The following NOX3 variants were observed in gnomAD, a reference collection of about 807,000 sequenced individuals.
NOX3 encodes the protein NADPH oxidase 3.
NOX3 carries 74 observed loss-of-function variants against 76.7 expected under a neutral mutation model. The observed-to-expected ratio is 0.96, with a 90% CI of 0.80 to 1.17. The LOEUF (loss-of-function observed/expected upper bound fraction) is 1.17. Ranked by LOEUF, NOX3 falls within the 50% of genes most tolerant of loss-of-function variation. NOX3 has a pLI of 0.00. For missense variants in NOX3, 695 were observed against 703.3 expected, an observed-to-expected ratio of 0.99 and a Z score of 0.13; for synonymous variants, 263 against 261.1, an observed-to-expected ratio of 1.01 and a Z score of -0.07.
chr6:155,445,171 C>T (rs1477319347), intron 4 of NOX3, among the ~76,000 whole-genome samples: 1 of 152,168 alleles, frequency 6.6e-6, no homozygotes, highest in Non-Finnish European at 1.5e-5. Context: ...CGCTGGGTGG[C>T]CAGTTGATAA....
chr6:155,420,216 G>C (rs1400042999), intron 10 of NOX3, among the ~76,000 whole-genome samples: 1 of 152,146 alleles, frequency 6.6e-6, no homozygotes, highest in Non-Finnish European at 1.5e-5. Context: ...ATGACAATGA[G>C]ACTTTGCATG....
At chr6:155,414,631 T>C (rs932055293) in intron 10 of NOX3, among the ~76,000 whole-genome samples, 7 of 140,640 alleles carry the variant, frequency 5.0e-5, no homozygotes, top group East Asian at 2.0e-4. Context: ...TTCTTTTTTT[T>C]TTTTTTTTTT....
At position 155,422,778 on chromosome 6, in the gene NOX3, C is replaced by A. The variant is rs749400027; in HGVS notation, c.1224G>T (p.Gly408=). The A allele has an allele frequency of 6.2e-6, 10 of 1,614,052 alleles. No homozygotes were observed. In the South Asian group the frequency reaches 9.9e-5, roughly 16 times the overall value. Residue 408 remains glycine, a synonymous_variant, in exon 10 of 14, where the codon GGG becomes GGT. Transcript: ENST00000159060. ...GAGCAGCGAAGGGAGTGACTCCGAT[C>A]CCCGCGGCAACGCACACACACACTG... The part of the protein sequence containing the change: ...HYPVCVCVAA[G]IGVTPFAALL...
At chr6:155,406,270 C>G (rs1456339973) in intron 12 of NOX3, among the ~76,000 whole-genome samples, 1 of 152,190 alleles carries the variant, frequency 6.6e-6, no homozygotes, top group East Asian at 1.9e-4. Flanking sequence ...GTTATGAAAA[C>G]AACACTGTGA....
intron 9 of NOX3, among the ~76,000 whole-genome samples, chr6:155,427,028 T>TGTGTGTGC (rs796489805): frequency 2.5e-5 from 3 of 121,792 alleles, no homozygotes; most frequent in African/African-American, 9.9e-5. Flanking sequence ...TGTGTGTGTG[T>TGTGTGTGC]GCTGGGGGGG....
chr6:155,408,187 T>G (rs532963950), intron 11 of NOX3, among the ~76,000 whole-genome samples: 111 of 152,248 alleles, frequency 7.3e-4, no homozygotes, highest in African/African-American at 2.6e-3. Context: ...AGGGTTTCAC[T>G]GTGTTAGCCG....
At chr6:155,422,533 T>A (rs1482754617) in intron 10 of NOX3, among the ~76,000 whole-genome samples, 161 bp downstream of exon 10, 1 of 152,222 alleles carries the variant, frequency 6.6e-6, no homozygotes, top group Non-Finnish European at 1.5e-5. Context: ...CTCATAAATG[T>A]AATACTGAGT....
chr6:155,411,242 A>T lies in NOX3; in HGVS notation c.1427T>A (p.Ile476Lys), dbSNP rs1487384707. The change falls in exon 11 of 14, where the codon ATA becomes AAA. Residue 476 changes from isoleucine to lysine, a missense_variant. Transcript: ENST00000159060. ...QGKTHFLSYH[I>K]FLTGWDENQA... is the part of the protein sequence containing the mutation. ...ATTTTCATCCCAGCCGGTAAGAAAT[A>T]TATGATAACTCAGAAAGTGAGTTTT... 2.5e-6 allele frequency: 4 copies of T among 1,614,060 alleles called. No homozygotes were observed. The East Asian group carries it at 8.9e-5, about 36-fold the overall frequency.
At chr6:155,446,502 C>T (rs1279159207) in intron 4 of NOX3, among the ~76,000 whole-genome samples, 2 of 152,048 alleles carry the variant, frequency 1.3e-5, no homozygotes, top group Non-Finnish European at 2.9e-5. Context: ...TCTTCTCATT[C>T]GACAGACCAG....
chr6:155,454,761 T>C, intron 3 of NOX3, 50 bp downstream of exon 3: 3 of 1,079,710 alleles, frequency 2.8e-6, no homozygotes, highest in Non-Finnish European at 4.1e-6. Flanking sequence ...ATGGCACTTA[T>C]ATGAGGAAGT....
At chr6:155,452,662 T>C (rs972510682) in intron 4 of NOX3, among the ~76,000 whole-genome samples, 5 of 152,054 alleles carry the variant, frequency 3.3e-5, no homozygotes, top group East Asian at 1.9e-4. Context: ...CATGAGAGGA[T>C]AAAAACAAAT....
chr6:155,439,657 G>A (rs894715078), intron 6 of NOX3, among the ~76,000 whole-genome samples: 23 of 152,134 alleles, frequency 1.5e-4, no homozygotes, highest in African/African-American at 5.3e-4. Flanking sequence ...TGGCAGAACA[G>A]GTACTGAATG....
At chr6:155,411,575 G>A (rs138027452) in intron 10 of NOX3, among the ~76,000 whole-genome samples, 2 of 152,296 alleles carry the variant, frequency 1.3e-5, no homozygotes, top group Non-Finnish European at 2.9e-5. Context: ...AGTGAATTCA[G>A]AGAGTCAGGA....
chr6:155,420,794 G>A (rs1421811043), intron 10 of NOX3, among the ~76,000 whole-genome samples: 1 of 152,172 alleles, frequency 6.6e-6, no homozygotes, highest in African/African-American at 2.4e-5. Context: ...TAGGTAGTCA[G>A]TGCTTGATAA....
chr6:155,425,942 T>C (rs1776749879), intron 9 of NOX3, among the ~76,000 whole-genome samples: 1 of 152,218 alleles, frequency 6.6e-6, no homozygotes, highest in Non-Finnish European at 1.5e-5. Flanking sequence ...TTTTTTGGGC[T>C]TGCTTCCCCT....
intron 4 of NOX3, 150 bp from the exon 5 acceptor site, chr6:155,443,568 G>T: frequency 1.1e-6 from 1 of 872,504 alleles, no homozygotes; most frequent in Non-Finnish European, 1.7e-6. Flanking sequence ...CTTTCCCAGT[G>T]CTTTGAGTGG....
chr6:155,414,831 T>C (rs1582931550), intron 10 of NOX3, among the ~76,000 whole-genome samples: 1 of 152,204 alleles, frequency 6.6e-6, no homozygotes, highest in East Asian at 1.9e-4. Flanking sequence ...TTTCACCATG[T>C]TGGCCATGCT....
chr6:155,437,360 A>C (rs1178490803), intron 6 of NOX3, among the ~76,000 whole-genome samples: 2 of 152,176 alleles, frequency 1.3e-5, no homozygotes, highest in Non-Finnish European at 2.9e-5. Flanking sequence ...TGTTTTGAGA[A>C]ACATGCTACT....
rs564463561 is a variant in NOX3 at position 155,411,508 on chromosome 6, A to C, written c.1309-148T>G. ...TTTTTTTTGTGTGTGTCAGTGAACA[A>C]ACAGTCACACTGTGATTTCTTTTGA... On this transcript the variant is annotated intron_variant, in intron 10 of 13. Transcript: ENST00000159060. 3.9e-5 allele frequency: 26 copies of C among 667,394 alleles called. No homozygotes were observed. In the South Asian group the frequency reaches 6.0e-4, roughly 15 times the overall value. 41.3% of individuals were successfully genotyped at this position (667,394 alleles called of 1,614,324 possible). A position where few individuals can be genotyped will look rare whatever the true frequency, so the allele number is the denominator to read the frequency against.
Sources: gnomAD v4.1 joint callset for allele counts (sites outside exome capture counted in the v4.1 genomes callset) on GRCh38, gnomAD v4.1.1 for gene constraint, MANE v1.5 for transcripts, NCBI Gene and HGNC (gene_info 2026-07-23, HGNC 2026-07-21) for gene names.